Variants in PTPRT observed in about 807,000 individuals in gnomAD.
PTPRT encodes the protein receptor-type tyrosine-protein phosphatase T.
A neutral mutation model predicts 176.8 loss-of-function variants in PTPRT; 56 were observed. That is an observed-to-expected ratio of 0.32 (90% CI 0.26 to 0.40). PTPRT has a LOEUF of 0.40. Among genes scored for constraint, PTPRT ranks in the 10% least tolerant of loss-of-function variants. The pLI is 1.00. For missense variants in PTPRT, 1,540 were observed against 1,908.2 expected (o/e 0.81, Z 3.60); for synonymous variants, 783 against 739.0 (o/e 1.06, Z -0.96).
At chr20:42,103,667 C>T (rs1038036718) in intron 25 of PTPRT, among the ~76,000 whole-genome samples, 1 of 152,144 alleles carries the variant, frequency 6.6e-6, no homozygotes, top group African/African-American at 2.4e-5. Flanking sequence ...CAGGGTTTCA[C>T]CATGTTGGTC....
At chr20:42,860,645 A>T (rs1440171596) in intron 2 of PTPRT, among the ~76,000 whole-genome samples, 1 of 152,122 alleles carries the variant, frequency 6.6e-6, no homozygotes, top group Non-Finnish European at 1.5e-5. Flanking sequence ...TACAGAATGA[A>T]TCCTTTTATA....
intron 11 of PTPRT, among the ~76,000 whole-genome samples, chr20:42,332,130 A>C (rs2057973878): frequency 6.6e-6 from 1 of 152,172 alleles, no homozygotes; most frequent in African/African-American, 2.4e-5. Flanking sequence ...TCTTTTTCAC[A>C]TTCATGTGAT....
In PTPRT at chr20:42,227,600, G is replaced by T. The variant is rs112045301; in HGVS notation, c.2342+8629C>A. Reference sequence around the variant, plus strand: ...TAGCGAATGGGGAAAGTCCCTCATTGTTTTTTTTTTTTTTTTTTTTTTTTT... The same window carrying T: ...TAGCGAATGGGGAAAGTCCCTCATTTTTTTTTTTTTTTTTTTTTTTTTTTT... On this transcript the variant is annotated intron_variant, in intron 15 of 30. Coordinates refer to ENST00000373187, the MANE Select transcript of PTPRT (RefSeq NM_007050.6). Among the ~76,000 whole-genome samples the T allele has an allele frequency of 7.1e-4, 44 of 61,880 alleles. 1 individual carries two copies. Among genetic ancestry groups the T allele is most frequent in the African/African-American group, 2.6e-3 (40 of 15,246 alleles). The allele number at this position is 61,880 out of a possible 152,430, so 40.6% of individuals were successfully genotyped here.
chr20:42,522,559 C>T lies in PTPRT; in HGVS notation c.1154-49997G>A, dbSNP rs552760996. Among the ~76,000 whole-genome samples the T allele has an allele frequency of 1.5e-4, 23 of 152,212 alleles. 1 individual carries two copies. The highest frequency in any genetic ancestry group is 3.4e-3 in the Middle Eastern group (1 of 294). ...TACTGCAACCTCCGCCTCCCAGGTT[C>T]AAGCAATTCTCCTGCCTCAGCCTCC... On this transcript the variant is annotated intron_variant, in intron 7 of 30. Coordinates refer to ENST00000373187, the MANE Select transcript of PTPRT (RefSeq NM_007050.6).
intron 7 of PTPRT, among the ~76,000 whole-genome samples, chr20:42,591,914 T>C (rs1463487151): frequency 2.0e-5 from 3 of 151,692 alleles, no homozygotes; most frequent in Admixed American, 1.3e-4. Context: ...TAGCACAAAC[T>C]TCGTTCTTAG....
intron 11 of PTPRT, among the ~76,000 whole-genome samples, chr20:42,338,178 C>G (rs907869196): frequency 2.6e-5 from 4 of 152,212 alleles, no homozygotes; most frequent in African/African-American, 9.6e-5. Context: ...ATTAGGCACT[C>G]TATAATTTTA....
intron 2 of PTPRT, among the ~76,000 whole-genome samples, chr20:42,873,802 C>A (rs1334476694): frequency 6.6e-6 from 1 of 152,156 alleles, no homozygotes; most frequent in Admixed American, 6.5e-5. Context: ...AATGGGACCT[C>A]AATGGATTAC....
intron 1 of PTPRT, among the ~76,000 whole-genome samples, chr20:43,156,664 T>C (rs1204521932): frequency 6.6e-6 from 1 of 152,160 alleles, no homozygotes; most frequent in Non-Finnish European, 1.5e-5. Flanking sequence ...TCAAACCCAA[T>C]GCTGACTTGG....
chr20:42,949,818 C>T (rs1264335467), intron 1 of PTPRT, among the ~76,000 whole-genome samples: 1 of 152,208 alleles, frequency 6.6e-6, no homozygotes, highest in Non-Finnish European at 1.5e-5. Flanking sequence ...ACTTTCTAAG[C>T]TCACCCTGGC....
At chr20:42,227,800 G>A (rs1050397050) in intron 15 of PTPRT, among the ~76,000 whole-genome samples, 2 of 151,678 alleles carry the variant, frequency 1.3e-5, no homozygotes, top group Non-Finnish European at 2.9e-5. Context: ...GTAGAAACGG[G>A]GTTTCACCAT....
At chr20:43,008,052 C>T (rs540493123) in intron 1 of PTPRT, among the ~76,000 whole-genome samples, 1 of 152,268 alleles carries the variant, frequency 6.6e-6, no homozygotes, top group East Asian at 1.9e-4. Context: ...GGCTTTGCCA[C>T]AGATTTAAGG....
chr20:42,494,281 T>G (rs1450740091), intron 7 of PTPRT, among the ~76,000 whole-genome samples: 1 of 152,132 alleles, frequency 6.6e-6, no homozygotes, highest in Non-Finnish European at 1.5e-5. Flanking sequence ...TTTTTATTGA[T>G]CTCTTTGAAA....
At chr20:42,623,959 C>T (rs2074244860) in intron 7 of PTPRT, among the ~76,000 whole-genome samples, 1 of 151,230 alleles carries the variant, frequency 6.6e-6, no homozygotes, top group African/African-American at 2.5e-5. Flanking sequence ...TGAGCTCATA[C>T]CCTGCCACAC....
chr20:42,396,568 T>C (rs2058851831), intron 9 of PTPRT, among the ~76,000 whole-genome samples: 1 of 152,188 alleles, frequency 6.6e-6, no homozygotes, highest in Admixed American at 6.5e-5. Flanking sequence ...CTTTGCACTT[T>C]CTTTTTTGTT....
intron 1 of PTPRT, among the ~76,000 whole-genome samples, chr20:42,938,324 T>C (rs1209577061): frequency 2.0e-5 from 3 of 151,928 alleles, no homozygotes; most frequent in Non-Finnish European, 4.4e-5. Flanking sequence ...ACCCCTAGAG[T>C]CTAGAGCTAG....
chr20:42,536,382 C>A (rs2072477195), intron 7 of PTPRT, among the ~76,000 whole-genome samples: 1 of 152,190 alleles, frequency 6.6e-6, no homozygotes, highest in Non-Finnish European at 1.5e-5. Flanking sequence ...AGATGGCTGA[C>A]AATTTGGAAA....
intron 6 of PTPRT, among the ~76,000 whole-genome samples, chr20:42,749,336 G>C (rs895501456): frequency 7.9e-5 from 12 of 152,280 alleles, no homozygotes; most frequent in Admixed American, 7.8e-4. Context: ...CTGCTTATGA[G>C]CTTGCCAAGC....
intron 1 of PTPRT, among the ~76,000 whole-genome samples, chr20:42,887,215 G>A (rs2079117576): frequency 6.6e-6 from 1 of 152,174 alleles, no homozygotes; most frequent in Non-Finnish European, 1.5e-5. Context: ...TAGGACACAT[G>A]GCCTTTGGGA....
chr20:42,359,212 A>T lies in PTPRT; in HGVS notation c.1561-6927T>A, dbSNP rs73269509. 4.7e-3 allele frequency among the ~76,000 whole-genome samples: 717 copies of T among 152,292 alleles called. 7 individuals are homozygous for T. The highest frequency in any genetic ancestry group is 0.017 in the African/African-American group (690 of 41,578). ...AGTTTGGAGAAACACTTTCTCAGGC[A>T]AGGGGATGGAGGATTGAAATGACCA... is the stretch of plus-strand genomic sequence containing the variant. On this transcript the variant is annotated intron_variant, in intron 9 of 30. Transcript: ENST00000373187.
Sources: allele counts gnomAD v4.1 joint callset (sites outside exome capture counted in the v4.1 genomes callset), GRCh38; gene constraint gnomAD v4.1.1; transcripts MANE v1.5; gene names NCBI Gene and HGNC (gene_info 2026-07-23, HGNC 2026-07-21).